ABL1: variants seen among roughly 807,000 people sequenced by gnomAD.
ABL1 encodes tyrosine-protein kinase ABL1.
Under a neutral mutation model 94.7 loss-of-function variants are expected in ABL1, and 11 were observed. That is an observed-to-expected ratio of 0.12 (90% CI 0.07 to 0.19). ABL1 has a LOEUF of 0.19. ABL1 is among the 10% of genes least tolerant of loss of function. The pLI is 1.00. For synonymous variants in ABL1, 656 were observed against 622.4 expected, an observed-to-expected ratio of 1.05 and a Z score of -0.80; for missense variants, 1,082 against 1,489.4, an observed-to-expected ratio of 0.73 and a Z score of 4.50.
chr9:130,760,803 C>T (rs2132748244), intron 1 of ABL1, among the ~76,000 whole-genome samples: 1 of 151,538 alleles, frequency 6.6e-6, no homozygotes, highest in East Asian at 1.9e-4. Context: ...GCTGGGACTA[C>T]AGGCACGGGC....
chr9:130,863,082 T>A lies in ABL1; in HGVS notation c.822+47T>A. The A allele has an allele frequency of 6.5e-7, 1 of 1,533,382 alleles. No individual in the cohort carries two copies. Among genetic ancestry groups the A allele is most frequent in the Non-Finnish European group, 8.8e-7 (1 of 1,136,958 alleles). 95.0% of individuals were successfully genotyped at this position (1,533,382 alleles called of 1,614,324 possible). Reference sequence around the variant, plus strand: ...TGCCCAGGGTACGTGGGGCAAGGCGTCTGCTGGCATTAGGCGATGCATCTG... The same window carrying A: ...TGCCCAGGGTACGTGGGGCAAGGCGACTGCTGGCATTAGGCGATGCATCTG... On this transcript the variant is annotated intron_variant, in intron 4 of 10. Coordinates refer to ENST00000318560, the MANE Select transcript of ABL1 (RefSeq NM_005157.6). The surrounding 1 kb of genome is among the most constrained non-coding windows in gnomAD (Gnocchi z 4.3).
intron 6 of ABL1, 37 bp downstream of exon 6, chr9:130,873,074 A>G: frequency 6.3e-7 from 1 of 1,598,044 alleles, no homozygotes; most frequent in Non-Finnish European, 8.5e-7. Context: ...CCATGGAGTC[A>G]CAGGGCGTGG....
chr9:130,796,913 T>G (rs1329920153), intron 1 of ABL1, among the ~76,000 whole-genome samples: 16 of 106,896 alleles, frequency 1.5e-4, no homozygotes, highest in Non-Finnish European at 1.9e-4. Context: ...AGAGCGAAAC[T>G]TCATCTCAAA....
intron 1 of ABL1, among the ~76,000 whole-genome samples, chr9:130,741,472 A>G (rs754867285): frequency 3.3e-5 from 5 of 151,494 alleles, no homozygotes; most frequent in Admixed American, 6.6e-5. Context: ...AGTAACAATT[A>G]TAGCACTGGT....
Position 130,827,899 on chromosome 9 carries a change from TAATAAATAAATA to T in ABL1, c.137-26138_137-26127del, listed in dbSNP as rs200452899. Among the ~76,000 whole-genome samples, 872 of 131,538 alleles carry T rather than the reference TAATAAATAAATA, an allele frequency of 6.6e-3. 8 individuals are homozygous for T. Among genetic ancestry groups the T allele is most frequent in the African/African-American group, 0.023 (796 of 34,436 alleles). The allele number at this position is 131,538 out of a possible 152,430, so 86.3% of individuals were successfully genotyped here. ...ACAGAGTGAGACTCTGTCTCAAAAA[TAATAAATAAATA>T]AATAAATAAATAAATAAATAAATAA... is the stretch of plus-strand genomic sequence containing the variant. On this transcript the variant is annotated intron_variant, in intron 1 of 10. Transcript: ENST00000372348.
At chr9:130,758,101 A>G (rs931239853) in intron 1 of ABL1, among the ~76,000 whole-genome samples, 5 of 152,122 alleles carry the variant, frequency 3.3e-5, no homozygotes, top group African/African-American at 1.2e-4. Flanking sequence ...TGACCCAGGT[A>G]TCGGACTGGG....
At chr9:130,870,245 AAG>A (rs776547594) in intron 4 of ABL1, among the ~76,000 whole-genome samples, 22 of 152,340 alleles carry the variant, frequency 1.4e-4, no homozygotes, top group Non-Finnish European at 3.1e-4. Context: ...GTGTGTATGT[AAG>A]AGAGACAGAT....
chr9:130,725,402 C>T (rs943513705), intron 1 of ABL1, among the ~76,000 whole-genome samples: 10 of 151,906 alleles, frequency 6.6e-5, no homozygotes, highest in East Asian at 5.8e-4. Flanking sequence ...GTTTTTGAGA[C>T]GGAGTTTTGC....
Position 130,741,237 on chromosome 9 carries a change from C to T in ABL1, c.136+26782C>T, listed in dbSNP as rs187773944. ...GTGCTAGTCATGGTGCTGCCTGGCA[C>T]CCACAAATGCCACAGCAGACCCATG... On this transcript the variant is annotated intron_variant, in intron 1 of 10. Coordinates refer to the ABL1 transcript ENST00000372348. 1.6e-4 allele frequency among the ~76,000 whole-genome samples: 24 copies of T among 152,210 alleles called. No individual in the cohort carries two copies. In the South Asian group the frequency reaches 2.5e-3, roughly 16 times the overall value.
At chr9:130,740,207 A>G (rs1232366727) in intron 1 of ABL1, among the ~76,000 whole-genome samples, 3 of 152,228 alleles carry the variant, frequency 2.0e-5, no homozygotes, top group South Asian at 2.1e-4. Context: ...CAATCAATCA[A>G]ACATTCACAA....
intron 1 of ABL1, among the ~76,000 whole-genome samples, chr9:130,750,785 T>G (rs1490806738): frequency 6.6e-6 from 1 of 151,346 alleles, no homozygotes; most frequent in African/African-American, 2.4e-5. Flanking sequence ...TAGCTGGGAT[T>G]ACAGGTGCTC....
At chr9:130,883,944 G>T (rs377421531) in intron 10 of ABL1, 25 bp from the exon 11 acceptor site, 2 of 1,586,816 alleles carry the variant, frequency 1.3e-6, no homozygotes, top group Non-Finnish European at 8.6e-7. Context: ...GTCTGGAGTT[G>T]TCAGCTCTTC....
chr9:130,823,526 T>G (rs1830390362), intron 1 of ABL1, among the ~76,000 whole-genome samples: 1 of 152,106 alleles, frequency 6.6e-6, no homozygotes. Flanking sequence ...GCACGATGGC[T>G]CCTCAGGGTC....
In ABL1 at chr9:130,835,499, C is replaced by G. The variant is rs1281390090; in HGVS notation, c.53C>G (p.Ser18Cys). Residue 18 changes from serine to cysteine, a missense_variant, in exon 1 of 11, where the codon TCC becomes TGC. Ser to Cys is a moderately radical substitution (Grantham distance 112). This residue lies in a region of ABL1 where 65 missense variants were observed against 80.8 expected (regional missense o/e 0.80). Transcript: ENST00000318560. The surrounding 1 kb of genome is among the most constrained non-coding windows in gnomAD (Gnocchi z 4.6). ...LVGCKSKKGL[S>C]SSSSCYLEEA... Reference sequence around the variant, plus strand: ...GGCTGCAAATCCAAGAAGGGGCTGTCCTCGTCCTCCAGCTGTTATCTGGAA... The same window carrying G: ...GGCTGCAAATCCAAGAAGGGGCTGTGCTCGTCCTCCAGCTGTTATCTGGAA... 1.3e-6 allele frequency: 2 copies of G among 1,562,854 alleles called. No homozygotes were observed. The highest frequency in any genetic ancestry group is 1.7e-6 in the Non-Finnish European group (2 of 1,153,112).
At chr9:130,752,455 T>C (rs1831978099) in intron 1 of ABL1, among the ~76,000 whole-genome samples, 2 of 152,172 alleles carry the variant, frequency 1.3e-5, no homozygotes, top group African/African-American at 2.4e-5. Context: ...CAAACATGCT[T>C]TCTTGCCCTA....
intron 1 of ABL1, among the ~76,000 whole-genome samples, chr9:130,811,753 A>G (rs1243575136): frequency 6.6e-6 from 1 of 151,874 alleles, no homozygotes; most frequent in Non-Finnish European, 1.5e-5. Context: ...TACTAAAAAT[A>G]CAAAAATTAG....
intron 1 of ABL1, among the ~76,000 whole-genome samples, chr9:130,770,851 C>G (rs909833693): frequency 3.9e-5 from 6 of 152,186 alleles, no homozygotes; most frequent in African/African-American, 1.4e-4. Flanking sequence ...ACATTCCCAG[C>G]CTACCCCTTA....
At chr9:130,733,473 C>T (rs911834537) in intron 1 of ABL1, among the ~76,000 whole-genome samples, 1 of 151,820 alleles carries the variant, frequency 6.6e-6, no homozygotes, top group African/African-American at 2.4e-5. Context: ...CTCAGTGTTA[C>T]TCAGGATGGT....
rs1831595253 is a variant in ABL1 at position 130,886,942 on chromosome 9, A to T, written c.*1259A>T. The T allele has an allele frequency of 4.3e-6, 1 of 232,722 alleles. No individual in the cohort carries two copies. The highest frequency in any genetic ancestry group is 8.5e-6 in the Non-Finnish European group (1 of 117,772). 14.4% of individuals were successfully genotyped at this position (232,722 alleles called of 1,614,324 possible). On this transcript the variant is annotated 3_prime_UTR_variant, in exon 11 of 11. Coordinates refer to ENST00000318560, the MANE Select transcript of ABL1 (RefSeq NM_005157.6). The stretch of plus-strand genomic sequence containing the variant: ...TCATGTTCTGTGGGGGTCATCAGGG[A>T]GGGTTAGGAAAACCACAAACGGAGC...
Sources: allele counts gnomAD v4.1 joint callset (sites outside exome capture counted in the v4.1 genomes callset), GRCh38; gene constraint gnomAD v4.1.1; regional missense constraint gnomAD v4.1.1; non-coding constraint Gnocchi (gnomAD v3.1); transcripts MANE v1.5; gene names NCBI Gene and HGNC (gene_info 2026-07-23, HGNC 2026-07-21).